Variants in ZC3H4 observed in about 807,000 individuals in gnomAD.
ZC3H4 encodes zinc finger CCCH-type containing 4.
Under a neutral mutation model 108.3 loss-of-function variants are expected in ZC3H4, and 13 were observed. The ratio of observed to expected loss-of-function variants is 0.12; its 90% CI spans 0.08 to 0.19. ZC3H4 has a LOEUF of 0.19. Among genes scored for constraint, ZC3H4 ranks in the 10% least tolerant of loss-of-function variants. The probability of loss-of-function intolerance (pLI) is 1.00; values close to 1 mark genes in which losing one functional copy is unlikely to be tolerated. For missense variants in ZC3H4, 1,734 were observed against 1,838.8 expected (o/e 0.94, Z 1.04); for synonymous variants, 917 against 749.6 (o/e 1.22, Z -3.65).
intron 5 of ZC3H4, among the ~76,000 whole-genome samples, chr19:47,089,296 C>T (rs1363479547): frequency 2.0e-5 from 3 of 151,666 alleles, no homozygotes; most frequent in Admixed American, 6.6e-5. Context: ...AGAACCCCTG[C>T]ACTGGAAGAT....
chr19:47,067,479 C>T lies in ZC3H4; in HGVS notation c.2789G>A (p.Arg930Gln), dbSNP rs772264154. 1.1e-5 allele frequency: 18 copies of T among 1,581,160 alleles called. No homozygotes were observed. The highest frequency in any genetic ancestry group is 2.3e-5 in the South Asian group (2 of 86,246). ...GTTCACGGCCTTCTCCCGCAGGGCC[C>T]GCTCCCCTTCCTCCTCCTCCGTTGG... Reference protein sequence around the residue: ...PPPTEEEEGERALREKAVNIP... With the variant: ...PPPTEEEEGEQALREKAVNIP... Residue 930 changes from arginine to glutamine, a missense_variant, in exon 15 of 15, where the codon CGG becomes CAG. Arg to Gln is a conservative substitution (Grantham distance 43, BLOSUM62 1). Coordinates refer to ENST00000253048, the MANE Select transcript of ZC3H4 (RefSeq NM_015168.2). The surrounding 1 kb of genome is among the most constrained non-coding windows in gnomAD (Gnocchi z 6.4).
rs773229561 is a variant in ZC3H4, at chr19:47,086,413, C to T, written c.841G>A (p.Glu281Lys). Residue 281 changes from glutamate (E) to lysine (K), a missense_variant, in exon 6 of 15, where the codon GAA becomes AAA. Physicochemically the swap from Glu to Lys is moderately conservative, Grantham distance 56. Transcript: ENST00000253048. ...GSMGGDHPED[E>K]EDFYEEEMDY... ...ATCTCTTCCTCGTAGAAATCCTCTT[C>T]ATCCTCCGGGTGGTCTCCTCCCATA... The T allele has an allele frequency of 6.2e-7, 1 of 1,613,616 alleles. No individual in the cohort carries two copies. The highest frequency in any genetic ancestry group is 8.5e-7 in the Non-Finnish European group (1 of 1,179,892).
At chr19:47,103,648 C>T (rs1017643675) in intron 2 of ZC3H4, among the ~76,000 whole-genome samples, 1 of 151,544 alleles carries the variant, frequency 6.6e-6, no homozygotes, top group African/African-American at 2.4e-5. Flanking sequence ...GCCCGTTGGC[C>T]GGGCACAGTG....
intron 4 of ZC3H4, among the ~76,000 whole-genome samples, chr19:47,091,583 T>C (rs1182059725): frequency 3.3e-5 from 4 of 119,868 alleles, no homozygotes; most frequent in African/African-American, 6.5e-5. Context: ...CAAAAAATAA[T>C]TAAAATTAAA....
intron 11 of ZC3H4, among the ~76,000 whole-genome samples, chr19:47,078,804 A>G (rs555733442): frequency 5.9e-5 from 9 of 152,234 alleles, no homozygotes; most frequent in African/African-American, 1.9e-4. Flanking sequence ...GGTTGCAGTG[A>G]GCCGAGATGG....
Position 47,107,564 on chromosome 19 carries a change from C to G in ZC3H4, c.161+4860G>C, listed in dbSNP as rs868422227. On this transcript the variant is annotated intron_variant, in intron 2 of 14. Coordinates refer to ENST00000253048, the MANE Select transcript of ZC3H4 (RefSeq NM_015168.2). Reference sequence around the variant, plus strand: ...ACCTATTCACACAGATGCGAAATGGCAAAAAAAATACACGAGAAAGATCCT... The same window carrying G: ...ACCTATTCACACAGATGCGAAATGGGAAAAAAAATACACGAGAAAGATCCT... 3.5e-5 allele frequency among the ~76,000 whole-genome samples: 5 copies of G among 144,568 alleles called. No individual in the cohort carries two copies. The South Asian group carries it at 1.1e-3, about 31-fold the overall frequency. The allele number at this position is 144,568 out of a possible 152,430, so 94.8% of individuals were successfully genotyped here.
intron 2 of ZC3H4, among the ~76,000 whole-genome samples, chr19:47,105,306 A>C (rs2057954394): frequency 6.6e-6 from 1 of 152,190 alleles, no homozygotes; most frequent in Non-Finnish European, 1.5e-5. Context: ...TGTGCCAATA[A>C]ACTTTACCTA....
intron 2 of ZC3H4, among the ~76,000 whole-genome samples, chr19:47,096,409 C>G (rs1218480142): frequency 6.6e-6 from 1 of 152,224 alleles, no homozygotes; most frequent in Admixed American, 6.5e-5. Flanking sequence ...AGAAACCAGG[C>G]GTGGAGCAAA....
Position 47,066,938 on chromosome 19 carries a change from A to C in ZC3H4, c.3330T>G (p.Ser1110Arg), listed in dbSNP as rs1480502085. ...AEAPSPTASP[S>R]GDASPPATAP... ...CGGTGGCTGGTGGGGAGGCATCCCC[A>C]CTCGGGCTGGCGGTGGGAGAGGGCG... The change falls in exon 15 of 15, where the codon AGT becomes AGG. Residue 1110 changes from serine to arginine, a missense_variant. Ser to Arg is a moderately radical substitution (Grantham distance 110). Coordinates refer to ENST00000253048, the MANE Select transcript of ZC3H4 (RefSeq NM_015168.2). 2.1e-5 allele frequency: 34 copies of C among 1,594,988 alleles called. No individual in the cohort carries two copies. The highest frequency in any genetic ancestry group is 2.8e-5 in the Non-Finnish European group (33 of 1,173,020).
At position 47,072,334 on chromosome 19, in the gene ZC3H4, G is replaced by A; in HGVS notation, c.1802+18C>T. The A allele has an allele frequency of 6.2e-7, 1 of 1,610,420 alleles. No homozygotes were observed. Among genetic ancestry groups the A allele is most frequent in the Non-Finnish European group, 8.5e-7 (1 of 1,178,684 alleles). Reference sequence around the variant, plus strand: ...AGGACAGCGCCCACTGCCTGTCACGGGGGTCCAGGGCACTCACCTCACACC... The same window carrying A: ...AGGACAGCGCCCACTGCCTGTCACGAGGGTCCAGGGCACTCACCTCACACC... On this transcript the variant is annotated intron_variant, in intron 12 of 14. Transcript: ENST00000253048. The surrounding 1 kb of genome is among the most constrained non-coding windows in gnomAD (Gnocchi z 5.6).
rs1461444823 is a variant in ZC3H4 at position 47,094,080 on chromosome 19, G to A, written c.382C>T (p.Arg128Cys). 3 of 1,613,898 alleles carry A rather than the reference G, an allele frequency of 1.9e-6. No individual in the cohort carries two copies. The highest frequency in any genetic ancestry group is 2.5e-6 in the Non-Finnish European group (3 of 1,179,794). The change falls in exon 4 of 15, where the codon CGC (arginine) becomes TGC (cysteine). Residue 128 changes from arginine to cysteine, a missense_variant and splice_region_variant. Around this residue, in one of 9 missense-constraint regions of ZC3H4, gnomAD observed 403 missense variants for 457.0 expected, o/e 0.88. Coordinates refer to ENST00000253048, the MANE Select transcript of ZC3H4 (RefSeq NM_015168.2). ...SKKRRKSKHK[R>C]HASSSDDFSD... Reference sequence around the variant, plus strand: ...AAGTCATCGCTAGAAGAAGCATGGCGCTGTAATGACAGGGGAAGGAGACTC... The same window carrying A: ...AAGTCATCGCTAGAAGAAGCATGGCACTGTAATGACAGGGGAAGGAGACTC...
Position 47,085,311 on chromosome 19 carries a change from T to G in ZC3H4, c.967+7A>C. ...ACCCAGCGTGTCCTCTCCAGGCCCC[T>G]GCCCACCTCGGCCTCGGCTGTCCTT... is the stretch of plus-strand genomic sequence containing the variant. On this transcript the variant is annotated splice_region_variant and intron_variant, in intron 7 of 14. Transcript: ENST00000253048. 6.9e-7 allele frequency: 1 copy of G among 1,446,970 alleles called. No homozygotes were observed. The highest frequency in any genetic ancestry group is 1.2e-5 in the South Asian group (1 of 85,712). 89.6% of individuals were successfully genotyped at this position (1,446,970 alleles called of 1,614,324 possible).
chr19:47,067,509 G>T lies in ZC3H4; in HGVS notation c.2759C>A (p.Pro920Gln). The T allele has an allele frequency of 6.3e-7, 1 of 1,586,774 alleles. No individual in the cohort carries two copies. Among genetic ancestry groups the T allele is most frequent in the African/African-American group, 1.3e-5 (1 of 74,364 alleles). ...VGPSSSKGSG[P>Q]PPTEEEEGER... ...CCCTTCCTCCTCCTCCGTTGGGGGC[G>T]GCCCAGACCCCTTGGAACTGCTGGG... Residue 920 changes from proline to glutamine, a missense_variant, in exon 15 of 15, where the codon CCG becomes CAG. By Grantham distance (76) the Pro-to-Gln change is moderately conservative. This residue lies in a region of ZC3H4 where 540 missense variants were observed against 484.1 expected (regional missense o/e 1.12). Transcript: ENST00000253048. This position sits in a 1 kb window ranked among gnomAD's most constrained non-coding sequence, Gnocchi z 6.4.
chr19:47,075,985 G>A (rs1397273450), intron 11 of ZC3H4, among the ~76,000 whole-genome samples: 1 of 152,132 alleles, frequency 6.6e-6, no homozygotes, highest in African/African-American at 2.4e-5. Context: ...AACCTCTCTA[G>A]CCAGGACAGA....
At chr19:47,113,174 G>C (rs1376374052) in intron 1 of ZC3H4, 1 of 152,858 alleles carries the variant, frequency 6.5e-6, no homozygotes, top group Non-Finnish European at 1.5e-5. Flanking sequence ...GAGATGGGAG[G>C]GGGAACTGAG....
In ZC3H4 at chr19:47,066,533, G is replaced by T. The variant is rs548569134; in HGVS notation, c.3735C>A (p.Pro1245=). The T allele has an allele frequency of 8.6e-5, 135 of 1,570,788 alleles. No homozygotes were observed. The highest frequency in any genetic ancestry group is 1.2e-5 in the South Asian group (1 of 83,016). Residue 1245 remains proline (P), a synonymous_variant, in exon 15 of 15, where the codon CCC becomes CCA. Coordinates refer to ENST00000253048, the MANE Select transcript of ZC3H4 (RefSeq NM_015168.2). ...TGGGCACGGGCAGGTTGTGCACCCC[G>T]GGCTGGGGTGGGGCACCCTCGGGGG... The part of the protein sequence containing the change: ...TPPPEGAPPQ[P]GVHNLPVPTL...
intron 4 of ZC3H4, among the ~76,000 whole-genome samples, chr19:47,090,829 C>T (rs1488026292): frequency 6.6e-6 from 1 of 152,110 alleles, no homozygotes; most frequent in Non-Finnish European, 1.5e-5. Flanking sequence ...TCAATACCGG[C>T]TCATCAATTC....
Position 47,072,985 on chromosome 19 carries a change from C to T in ZC3H4, c.1441-272G>A, listed in dbSNP as rs1435705353. Among the ~76,000 whole-genome samples the T allele has an allele frequency of 6.6e-6, 1 of 152,064 alleles. No individual in the cohort carries two copies. Among genetic ancestry groups the T allele is most frequent in the African/African-American group, 2.4e-5 (1 of 41,426 alleles). On this transcript the variant is annotated intron_variant, in intron 11 of 14. Coordinates refer to ENST00000253048, the MANE Select transcript of ZC3H4 (RefSeq NM_015168.2). The surrounding 1 kb of genome is among the most constrained non-coding windows in gnomAD (Gnocchi z 5.6). ...ATACTGTTTAACCATTTAAAGTGAA[C>T]GATTCAGCTGGGCGCAGGGACTCAC... is the stretch of plus-strand genomic sequence containing the variant.
At chr19:47,104,379 T>C (rs779032103) in intron 2 of ZC3H4, among the ~76,000 whole-genome samples, 17 of 152,170 alleles carry the variant, frequency 1.1e-4, no homozygotes, top group Non-Finnish European at 2.5e-4. Context: ...TAATTTCTAG[T>C]CACCTGTGGG....
Sources: allele counts gnomAD v4.1 joint callset (sites outside exome capture counted in the v4.1 genomes callset), GRCh38; gene constraint gnomAD v4.1.1; regional missense constraint gnomAD v4.1.1; non-coding constraint Gnocchi (gnomAD v3.1); transcripts MANE v1.5; gene names NCBI Gene and HGNC (gene_info 2026-07-23, HGNC 2026-07-21).